NLN: variants seen among roughly 807,000 people sequenced by gnomAD.
The protein encoded by NLN is neurolysin, mitochondrial.
In NLN, 64 loss-of-function variants were observed where a neutral mutation model predicts 79.9. The observed-to-expected ratio is 0.80, with a 90% confidence interval of 0.65 to 0.99. The LOEUF is 0.99. Among genes scored for constraint, NLN ranks in the 50% least tolerant of loss-of-function variants. NLN has a pLI of 0.00. For missense variants in NLN, 835 were observed against 858.7 expected, an observed-to-expected ratio of 0.97 and a Z score of 0.34; for synonymous variants, 267 against 296.6, an observed-to-expected ratio of 0.90 and a Z score of 1.02.
At chr5:65,772,723 G>C (rs1338532622) in intron 3 of NLN, among the ~76,000 whole-genome samples, 4 of 150,412 alleles carry the variant, frequency 2.7e-5, no homozygotes, top group African/African-American at 9.8e-5. Context: ...TTGTTTGTTT[G>C]TTTGTTTTTC....
Position 65,722,399 on chromosome 5 carries a change from TGC to T in NLN, c.28_29del (p.Arg10LysfsTer48). Reference sequence around the variant, plus strand: ...ATGATCGCCCGGTGCCTTTTGGCTGTGCGAAGCCTCCGCAGGTACCTCCAGCG... The same window carrying T: ...ATGATCGCCCGGTGCCTTTTGGCTGTGAAGCCTCCGCAGGTACCTCCAGCG... On this transcript the variant is annotated frameshift_variant, in exon 1 of 13. Transcript: ENST00000380985. LOFTEE classifies it high-confidence loss of function. 1 of 1,591,422 alleles carries T rather than the reference TGC, an allele frequency of 6.3e-7. No homozygotes were observed. Among genetic ancestry groups the T allele is most frequent in the Admixed American group, 1.7e-5 (1 of 57,668 alleles).
intron 1 of NLN, among the ~76,000 whole-genome samples, chr5:65,732,657 G>A (rs1758636004): frequency 7.0e-6 from 1 of 143,856 alleles, no homozygotes; most frequent in South Asian, 2.2e-4. Context: ...GGCACGTCAG[G>A]GAACCTTTGC....
At chr5:65,787,120 A>G (rs1045457093) in intron 7 of NLN, among the ~76,000 whole-genome samples, 1 of 152,044 alleles carries the variant, frequency 6.6e-6, no homozygotes, top group Non-Finnish European at 1.5e-5. Flanking sequence ...TGAGATTGGC[A>G]TATTCCTATG....
intron 8 of NLN, among the ~76,000 whole-genome samples, chr5:65,790,209 CT>C (rs1321497295): frequency 6.6e-6 from 1 of 152,128 alleles, no homozygotes; most frequent in Non-Finnish European, 1.5e-5. Flanking sequence ...TAGTATCCCC[CT>C]CATTCAGTAA....
At chr5:65,740,323 A>G (rs1443266500) in intron 1 of NLN, among the ~76,000 whole-genome samples, 1 of 151,956 alleles carries the variant, frequency 6.6e-6, no homozygotes, top group Admixed American at 6.6e-5. Flanking sequence ...TGACAGATCT[A>G]CTCTTCTGAT....
intron 9 of NLN, among the ~76,000 whole-genome samples, chr5:65,808,614 C>CGTCT (rs1270284334): frequency 6.6e-6 from 1 of 152,166 alleles, no homozygotes; most frequent in Non-Finnish European, 1.5e-5. Context: ...GCTTTTCTGA[C>CGTCT]GTCTGACTCA....
chr5:65,730,007 A>G (rs1758570486), intron 1 of NLN, among the ~76,000 whole-genome samples: 1 of 152,216 alleles, frequency 6.6e-6, no homozygotes, highest in East Asian at 1.9e-4. Context: ...AGTTCTCCGT[A>G]TCTGTTTCCT....
intron 9 of NLN, among the ~76,000 whole-genome samples, chr5:65,806,083 C>G (rs1214650715): frequency 1.4e-5 from 2 of 147,948 alleles, no homozygotes; most frequent in Non-Finnish European, 3.0e-5. Flanking sequence ...ATCTACTACT[C>G]AAAAAAAAAA....
At chr5:65,792,786 T>C (rs767433551) in intron 9 of NLN, 131 bp downstream of exon 9, 2 of 773,924 alleles carry the variant, frequency 2.6e-6, no homozygotes, top group South Asian at 2.9e-5. Context: ...ATAGGCCTTC[T>C]GCAAAACCAA....
chr5:65,735,452 G>A lies in NLN; in HGVS notation c.41+13038G>A, dbSNP rs567422303. On this transcript the variant is annotated intron_variant, in intron 1 of 12. Transcript: ENST00000380985. ...TCTTTGCCTCAGTGTCACCATTTAC[G>A]CAAGTCCAAAGCCTAGGAGCCATTC... 5.9e-5 allele frequency among the ~76,000 whole-genome samples: 9 copies of A among 152,070 alleles called. 1 individual carries two copies. Among genetic ancestry groups the A allele is most frequent in the African/African-American group, 9.6e-5 (4 of 41,482 alleles).
At chr5:65,817,510 C>A (rs1279650771) in intron 12 of NLN, among the ~76,000 whole-genome samples, 1 of 152,168 alleles carries the variant, frequency 6.6e-6, no homozygotes, top group African/African-American at 2.4e-5. Flanking sequence ...TTTTATAAGG[C>A]AACTTCATTG....
intron 6 of NLN, among the ~76,000 whole-genome samples, chr5:65,784,011 A>C (rs938250240): frequency 1.3e-5 from 2 of 152,096 alleles, no homozygotes; most frequent in African/African-American, 4.8e-5. Flanking sequence ...ATTACTCTCC[A>C]GTGTATGTAT....
intron 8 of NLN, 110 bp downstream of exon 8, chr5:65,788,594 G>A: frequency 9.0e-7 from 1 of 1,110,266 alleles, no homozygotes; most frequent in East Asian, 2.4e-5. Flanking sequence ...CCAACACTTT[G>A]GGAGGCCAAG....
intron 2 of NLN, among the ~76,000 whole-genome samples, chr5:65,760,320 G>A (rs1445934876): frequency 1.3e-5 from 2 of 152,038 alleles, no homozygotes; most frequent in Non-Finnish European, 2.9e-5. Context: ...CTTATTACAC[G>A]TCTTGAATTT....
intron 1 of NLN, among the ~76,000 whole-genome samples, chr5:65,746,592 ATAG>A (rs1315267850): frequency 6.6e-6 from 1 of 152,168 alleles, no homozygotes; most frequent in African/African-American, 2.4e-5. Flanking sequence ...AAAGGAAGAA[ATAG>A]TGGTGTCTAG....
rs747187984 is a variant in NLN at position 65,787,236 on chromosome 5, T to TTA, written c.959-868_959-867dup. Among the ~76,000 whole-genome samples, 1,097 of 147,436 alleles carry TTA rather than the reference T, an allele frequency of 7.4e-3. 8 individuals are homozygous for TTA. The highest frequency in any genetic ancestry group is 0.014 in the Middle Eastern group (4 of 290). ...ACTCACTCACTCTCTCTCTCTCTCT[T>TTA]TATATATATATATATGTATGTGTGT... is the stretch of plus-strand genomic sequence containing the variant. On this transcript the variant is annotated intron_variant, in intron 7 of 12. Transcript: ENST00000380985.
In NLN at chr5:65,809,571, A is replaced by G. The variant is rs768979008; in HGVS notation, c.1584A>G (p.Pro528=). Residue 528 remains proline (P), a synonymous_variant, in exon 10 of 13, where the codon CCA becomes CCG. Coordinates refer to ENST00000380985, the MANE Select transcript of NLN (RefSeq NM_020726.5). Reference sequence around the variant, plus strand: ...TGGAAACTGACTTTGTAGAGGTGCCATCGCAAATGCTTGAAAATTGGGTGT... The same window carrying G: ...TGGAAACTGACTTTGTAGAGGTGCCGTCGCAAATGCTTGAAAATTGGGTGT... ...TNVETDFVEV[P]SQMLENWVWD... is the part of the protein sequence containing the mutation. 3.1e-6 allele frequency: 5 copies of G among 1,613,460 alleles called. No homozygotes were observed. The highest frequency in any genetic ancestry group is 1.3e-5 in the African/African-American group (1 of 75,022).
intron 1 of NLN, among the ~76,000 whole-genome samples, chr5:65,738,665 CCTAT>C (rs886522891): frequency 2.7e-4 from 41 of 152,054 alleles, no homozygotes; most frequent in East Asian, 1.5e-3. Context: ...ACTTATTCTT[CCTAT>C]CTAAGTGAAA....
chr5:65,788,095 C>G (rs1364746295), intron 7 of NLN, 23 bp from the exon 8 acceptor site: 6 of 1,598,302 alleles, frequency 3.8e-6, no homozygotes, highest in Non-Finnish European at 5.1e-6. Context: ...AAGTAGATCA[C>G]TAACTTTTCC....
Sources: allele counts gnomAD v4.1 joint callset (sites outside exome capture counted in the v4.1 genomes callset), GRCh38; gene constraint gnomAD v4.1.1; transcripts MANE v1.5; gene names NCBI Gene and HGNC (gene_info 2026-07-23, HGNC 2026-07-21).